The following RANBP2 variants were observed in gnomAD, a reference collection of about 807,000 sequenced individuals.
The protein encoded by RANBP2 is RAN binding protein 2, also known as E3 SUMO-protein ligase RanBP2.
RANBP2 carries 57 observed loss-of-function variants against 303.6 expected under a neutral mutation model. The ratio of observed to expected loss-of-function variants is 0.19; its 90% CI spans 0.15 to 0.23. The LOEUF (loss-of-function observed/expected upper bound fraction) is 0.23, where lower values mean the gene tolerates loss of function less well. RANBP2 is among the 10% of genes least tolerant of loss of function. RANBP2 has a pLI of 1.00. For synonymous variants in RANBP2, 1,167 were observed against 1,301.5 expected (o/e 0.90, Z 2.23); for missense variants, 3,138 against 3,780.8 (o/e 0.83, Z 4.46).
chr2:108,752,415 T>G (rs984458090), intron 12 of RANBP2, among the ~76,000 whole-genome samples: 3 of 151,800 alleles, frequency 2.0e-5, no homozygotes, highest in African/African-American at 7.3e-5. Flanking sequence ...TATCTAAAAA[T>G]GGCAACTGTT....
At chr2:109,172,625 C>G in the RANBP2 span, among the ~76,000 whole-genome samples, 1 of 152,324 alleles carries the variant, frequency 6.6e-6, no homozygotes, top group South Asian at 2.1e-4. Context: ...GCAGCATCAC[C>G]TCTCCGGAGC....
At chr2:108,824,563 T>C in the RANBP2 span, among the ~76,000 whole-genome samples, 1 of 152,170 alleles carries the variant, frequency 6.6e-6, no homozygotes, top group East Asian at 1.9e-4. Flanking sequence ...GAAGACCTGC[T>C]GAAGGACCTG....
chr2:109,739,488 C>T, the RANBP2 span, among the ~76,000 whole-genome samples: 129 of 152,182 alleles, frequency 8.5e-4, 1 homozygote, highest in African/African-American at 2.9e-3. Flanking sequence ...GTGGCTATTG[C>T]GAATGGGATT....
At chr2:109,067,391 A>C in the RANBP2 span, among the ~76,000 whole-genome samples, 1 of 152,250 alleles carries the variant, frequency 6.6e-6, no homozygotes, top group Admixed American at 6.5e-5. Context: ...TAGCTACTGC[A>C]TAATCTCTCC....
the RANBP2 span, among the ~76,000 whole-genome samples, chr2:109,031,534 C>T: frequency 2.7e-4 from 41 of 152,362 alleles, no homozygotes; most frequent in African/African-American, 9.4e-4. Context: ...CTGCCCGCCT[C>T]GCCGGGCTGC....
the RANBP2 span, chr2:109,371,570 G>A: frequency 6.2e-7 from 1 of 1,612,034 alleles, no homozygotes; most frequent in Non-Finnish European, 8.5e-7. Flanking sequence ...TGTCCACGGT[G>A]GACCCGGAAC....
chr2:108,924,079 AG>A, the RANBP2 span, among the ~76,000 whole-genome samples: 2 of 152,234 alleles, frequency 1.3e-5, no homozygotes, highest in African/African-American at 4.8e-5. Flanking sequence ...ACTTGACAGA[AG>A]ACACCCTTGG....
At chr2:109,025,890 GT>G in the RANBP2 span, among the ~76,000 whole-genome samples, 1 of 152,096 alleles carries the variant, frequency 6.6e-6, no homozygotes, top group African/African-American at 2.4e-5. Flanking sequence ...TAGATTTCTA[GT>G]TTTTCACAGA....
chr2:108,997,029 G>A, the RANBP2 span, among the ~76,000 whole-genome samples: 2 of 152,230 alleles, frequency 1.3e-5, no homozygotes, highest in African/African-American at 4.8e-5. Context: ...CAGTGTTTTT[G>A]TGTGTCCAGG....
the RANBP2 span, among the ~76,000 whole-genome samples, chr2:109,461,852 T>TG: frequency 2.0e-5 from 3 of 152,158 alleles, no homozygotes; most frequent in Non-Finnish European, 4.4e-5. Flanking sequence ...CTATCAATTT[T>TG]GGGGGTCACT....
At chr2:108,865,596 T>G in the RANBP2 span, among the ~76,000 whole-genome samples, 2 of 152,206 alleles carry the variant, frequency 1.3e-5, no homozygotes. Flanking sequence ...TTTCAAACCT[T>G]CATGCCAGTC....
At chr2:109,696,918 C>T in the RANBP2 span, among the ~76,000 whole-genome samples, 24 of 152,240 alleles carry the variant, frequency 1.6e-4, no homozygotes, top group East Asian at 4.6e-3. Context: ...GCTGAGACCA[C>T]AGGTGCGCAC....
chr2:109,720,014 C>G, the RANBP2 span, among the ~76,000 whole-genome samples: 1 of 152,194 alleles, frequency 6.6e-6, no homozygotes, highest in Admixed American at 6.5e-5. Context: ...TCGTGATCGG[C>G]TGCACCTGGC....
chr2:109,548,018 C>A, the RANBP2 span, among the ~76,000 whole-genome samples: 1 of 152,080 alleles, frequency 6.6e-6, no homozygotes, highest in Non-Finnish European at 1.5e-5. Context: ...ATACCCCCAG[C>A]ACAGCACACA....
chr2:109,134,268 G>A, the RANBP2 span, among the ~76,000 whole-genome samples: 1 of 152,186 alleles, frequency 6.6e-6, no homozygotes, highest in East Asian at 1.9e-4. Context: ...CTTCTGTCCA[G>A]TTTGGCTGGA....
chr2:109,359,161 A>C, the RANBP2 span, among the ~76,000 whole-genome samples: 1 of 152,206 alleles, frequency 6.6e-6, no homozygotes, highest in African/African-American at 2.4e-5. Flanking sequence ...TGCCAATGAC[A>C]GACTGTCTTC....
the RANBP2 span, among the ~76,000 whole-genome samples, chr2:109,732,561 C>T: frequency 7.2e-6 from 1 of 138,128 alleles, no homozygotes; most frequent in African/African-American, 2.7e-5. Flanking sequence ...TTACTGCAAC[C>T]TCCGCCTCCC....
chr2:108,791,133 T>C, the RANBP2 span, among the ~76,000 whole-genome samples: 1 of 152,106 alleles, frequency 6.6e-6, no homozygotes, highest in East Asian at 1.9e-4. Flanking sequence ...TTAACTAATA[T>C]TTTTAAAATT....
the RANBP2 span, among the ~76,000 whole-genome samples, chr2:109,602,543 C>T: frequency 3.3e-5 from 5 of 151,872 alleles, no homozygotes; most frequent in African/African-American, 7.3e-5. Flanking sequence ...AGTGTGGTGG[C>T]GCATGCCTAT....
Sources: gnomAD v4.1 joint callset for allele counts (sites outside exome capture counted in the v4.1 genomes callset) on GRCh38, gnomAD v4.1.1 for gene constraint, MANE v1.5 for transcripts, NCBI Gene and HGNC (gene_info 2026-07-23, HGNC 2026-07-21) for gene names.